EBF2: variants seen among roughly 807,000 people sequenced by gnomAD.
EBF2 encodes the protein EBF transcription factor 2.
EBF2 carries 21 observed loss-of-function variants against 72.8 expected under a neutral mutation model. That is an observed-to-expected ratio of 0.29 (90% confidence interval 0.20 to 0.42). The LOEUF is 0.42. Ranked by LOEUF, EBF2 falls within the 10% of genes least tolerant of loss-of-function variation. The probability of loss-of-function intolerance (pLI) is 1.00; values close to 1 mark genes in which losing one functional copy is unlikely to be tolerated. For missense variants in EBF2, 637 were observed against 731.2 expected (o/e 0.87, Z 1.49); for synonymous variants, 299 against 274.2 (o/e 1.09, Z -0.89).
intron 6 of EBF2, among the ~76,000 whole-genome samples, chr8:25,975,476 T>C (rs1346332499): frequency 6.6e-6 from 1 of 152,200 alleles, no homozygotes; most frequent in Non-Finnish European, 1.5e-5. Flanking sequence ...TGCGACAGGA[T>C]TAAGTAGACA....
rs1012567121 is a variant in EBF2 at position 25,842,032 on chromosome 8, C to T, written c.*2577G>A. On this transcript the variant is annotated 3_prime_UTR_variant, in exon 16 of 16. Coordinates refer to ENST00000520164, the MANE Select transcript of EBF2 (RefSeq NM_022659.4). ...AAAGAAAAACTGAGAAGAATTACAA[C>T]GCTATAACAAAAGAAAGATAAATAA... 2.0e-5 allele frequency: 3 copies of T among 152,056 alleles called. No homozygotes were observed. The highest frequency in any genetic ancestry group is 3.9e-4 in the East Asian group (2 of 5,188). 9.4% of individuals were successfully genotyped at this position (152,056 alleles called of 1,614,324 possible).
In EBF2 at chr8:26,044,761, G is replaced by C; in HGVS notation, c.99C>G (p.Val33=). The C allele has an allele frequency of 6.2e-7, 1 of 1,614,162 alleles. No homozygotes were observed. The highest frequency in any genetic ancestry group is 8.5e-7 in the Non-Finnish European group (1 of 1,180,032). Residue 33 remains valine, a synonymous_variant, in exon 1 of 16, where the codon GTC becomes GTG. Transcript: ENST00000520164. The surrounding 1 kb of genome is among the most constrained non-coding windows in gnomAD (Gnocchi z 4.1). ...MDSVRSWVRN[V]GVVDANVAAQ... ...CGGCGACATTAGCGTCCACCACTCC[G>C]ACATTCCGGACCCAGGACCTGACCG... is the stretch of plus-strand genomic sequence containing the variant.
intron 10 of EBF2, among the ~76,000 whole-genome samples, chr8:25,877,188 T>G (rs899762680): frequency 5.9e-5 from 9 of 152,170 alleles, no homozygotes; most frequent in Admixed American, 2.0e-4. Context: ...GCATACTCAC[T>G]GCCACCTGAA....
intron 6 of EBF2, among the ~76,000 whole-genome samples, chr8:25,914,183 T>C (rs1311228000): frequency 6.6e-6 from 1 of 152,186 alleles, no homozygotes; most frequent in Non-Finnish European, 1.5e-5. Flanking sequence ...TCATAGCAAC[T>C]CACTCTGCTT....
intron 6 of EBF2, among the ~76,000 whole-genome samples, chr8:25,981,466 G>A (rs570013678): frequency 6.6e-6 from 1 of 152,114 alleles, no homozygotes; most frequent in South Asian, 2.1e-4. Context: ...GGAAAAGCAT[G>A]AACCAATGCA....
intron 6 of EBF2, among the ~76,000 whole-genome samples, chr8:25,929,854 T>C (rs543308926): frequency 4.0e-4 from 61 of 152,096 alleles, no homozygotes; most frequent in African/African-American, 1.4e-3. Flanking sequence ...TAGAAAGGGC[T>C]AAGGTTTACA....
intron 10 of EBF2, among the ~76,000 whole-genome samples, chr8:25,864,005 CTA>C (rs1252146324): frequency 6.6e-5 from 10 of 152,088 alleles, no homozygotes; most frequent in African/African-American, 2.4e-4. Flanking sequence ...ATGACATGTT[CTA>C]TAATTTATTT....
At position 25,862,744 on chromosome 8, in the gene EBF2, G is replaced by A. The variant is rs780347017; in HGVS notation, c.1063C>T (p.Pro355Ser). Residue 355 changes from proline (P) to serine (S), a missense_variant, in exon 11 of 16, where the codon CCT (proline) becomes TCT (serine). This residue lies in a region of EBF2 where 204 missense variants were observed against 301.2 expected (regional missense o/e 0.68). Transcript: ENST00000520164. ...YGFQRLQKVIPRHPGDPERLA... is the reference protein window; with the variant it reads ...YGFQRLQKVISRHPGDPERLA... The stretch of plus-strand genomic sequence containing the variant: ...CTCTCAGGATCTCCAGGATGCCTAG[G>A]GATGACCTTCTGCAGTCTCTGGAAG... 1.9e-6 allele frequency: 3 copies of A among 1,604,076 alleles called. No homozygotes were observed. Among genetic ancestry groups the A allele is most frequent in the Non-Finnish European group, 2.6e-6 (3 of 1,174,340 alleles).
chr8:25,958,567 C>T (rs1182050454), intron 6 of EBF2, among the ~76,000 whole-genome samples: 1 of 152,202 alleles, frequency 6.6e-6, no homozygotes, highest in Non-Finnish European at 1.5e-5. Flanking sequence ...TTTCCTGCTG[C>T]TTAATTTCCA....
intron 6 of EBF2, among the ~76,000 whole-genome samples, chr8:25,993,347 C>T (rs556446734): frequency 1.3e-5 from 2 of 152,334 alleles, no homozygotes; most frequent in South Asian, 4.1e-4. Context: ...ACTTCCAGTT[C>T]AAAATGACCT....
intron 6 of EBF2, among the ~76,000 whole-genome samples, chr8:25,962,369 C>G (rs377126206): frequency 6.6e-6 from 1 of 152,070 alleles, no homozygotes; most frequent in East Asian, 1.9e-4. Flanking sequence ...AATAACAAGC[C>G]CCTCCAGAAG....
chr8:25,914,437 T>C (rs1803178001), intron 6 of EBF2, among the ~76,000 whole-genome samples: 1 of 152,180 alleles, frequency 6.6e-6, no homozygotes, highest in South Asian at 2.1e-4. Flanking sequence ...CCTGGATACA[T>C]CTATTGGTTG....
rs1803303241 is a variant in EBF2 at position 25,921,332 on chromosome 8, A to G, written c.552-12777T>C. ...TTTTAACTTTCTTTTTTTTTCCTTA[A>G]AGAAGAACTAAACCTAGATGATATA... is the stretch of plus-strand genomic sequence containing the variant. On this transcript the variant is annotated intron_variant, in intron 6 of 15. Coordinates refer to ENST00000520164, the MANE Select transcript of EBF2 (RefSeq NM_022659.4). Among the ~76,000 whole-genome samples the G allele has an allele frequency of 2.0e-5, 3 of 152,168 alleles. No individual in the cohort carries two copies. The South Asian group carries it at 6.2e-4, about 32-fold the overall frequency.
At chr8:25,982,780 C>T (rs1396430852) in intron 6 of EBF2, among the ~76,000 whole-genome samples, 2 of 152,086 alleles carry the variant, frequency 1.3e-5, no homozygotes, top group East Asian at 3.9e-4. Flanking sequence ...TTGGTTTTCA[C>T]ACTATAGAAC....
At chr8:25,916,063 A>T (rs1435554505) in intron 6 of EBF2, among the ~76,000 whole-genome samples, 1 of 152,096 alleles carries the variant, frequency 6.6e-6, no homozygotes, top group Non-Finnish European at 1.5e-5. Context: ...AGGCAGTCTG[A>T]TCACTTGAGA....
At chr8:26,001,105 A>G (rs1260267409) in intron 6 of EBF2, among the ~76,000 whole-genome samples, 8 of 152,202 alleles carry the variant, frequency 5.3e-5, no homozygotes, top group African/African-American at 1.4e-4. Flanking sequence ...CTAAAATGTA[A>G]CCCAATGAGC....
intron 6 of EBF2, among the ~76,000 whole-genome samples, chr8:26,011,597 C>T (rs936129961): frequency 6.6e-6 from 1 of 152,014 alleles, no homozygotes; most frequent in African/African-American, 2.4e-5. Flanking sequence ...AGCTAAAATG[C>T]GGATCTGCTT....
chr8:25,939,524 TA>T (rs1193706967), intron 6 of EBF2, among the ~76,000 whole-genome samples: 1 of 152,218 alleles, frequency 6.6e-6, no homozygotes, highest in African/African-American at 2.4e-5. Flanking sequence ...AACATTTGGC[TA>T]AACAGAAGAC....
chr8:25,855,277 T>C (rs1015121159), intron 14 of EBF2, among the ~76,000 whole-genome samples: 4 of 152,166 alleles, frequency 2.6e-5, no homozygotes, highest in Admixed American at 1.3e-4. Flanking sequence ...CTAAGGGGTC[T>C]GTCAGCATTT....
Sources: allele counts gnomAD v4.1 joint callset (sites outside exome capture counted in the v4.1 genomes callset), GRCh38; gene constraint gnomAD v4.1.1; regional missense constraint gnomAD v4.1.1; non-coding constraint Gnocchi (gnomAD v3.1); transcripts MANE v1.5; gene names NCBI Gene and HGNC (gene_info 2026-07-23, HGNC 2026-07-21).